The following MIPOL1 variants were observed in gnomAD, a reference collection of about 807,000 sequenced individuals.
The protein encoded by MIPOL1 is mirror-image polydactyly gene 1 protein.
In MIPOL1, 57 loss-of-function variants were observed where a neutral mutation model predicts 60.9. The ratio of observed to expected loss-of-function variants is 0.94; its 90% CI spans 0.76 to 1.17. MIPOL1 has a LOEUF of 1.17. Ranked by LOEUF, MIPOL1 falls within the 50% of genes most tolerant of loss-of-function variation. The probability of loss-of-function intolerance (pLI) is 0.00; values close to 1 mark genes in which losing one functional copy is unlikely to be tolerated. For synonymous variants in MIPOL1, 179 were observed against 168.8 expected (o/e 1.06, Z -0.47); for missense variants, 551 against 511.6 (o/e 1.08, Z -0.74).
chr14:37,526,234 C>A (rs1198786984), intron 12 of MIPOL1, among the ~76,000 whole-genome samples: 5 of 145,646 alleles, frequency 3.4e-5, no homozygotes, highest in Non-Finnish European at 6.0e-5. Context: ...CACAACAAAA[C>A]CTATCAACTA....
chr14:37,282,071 G>A (rs2084150761), intron 6 of MIPOL1, among the ~76,000 whole-genome samples: 1 of 151,710 alleles, frequency 6.6e-6, no homozygotes, highest in Non-Finnish European at 1.5e-5. Context: ...AAAAAAAAGT[G>A]TTTTCTCTTG....
At chr14:37,314,071 A>G (rs1423667596) in intron 9 of MIPOL1, among the ~76,000 whole-genome samples, 1 of 152,178 alleles carries the variant, frequency 6.6e-6, no homozygotes, top group East Asian at 1.9e-4. Context: ...CATTCTATAT[A>G]TCTAAATTTA....
intron 11 of MIPOL1, among the ~76,000 whole-genome samples, chr14:37,495,501 G>A (rs1364243865): frequency 1.3e-5 from 2 of 150,140 alleles, no homozygotes; most frequent in Admixed American, 6.7e-5. Context: ...TGGTGTATAT[G>A]TGCCACATTT....
At chr14:37,370,985 C>T (rs1221960716) in intron 10 of MIPOL1, among the ~76,000 whole-genome samples, 2 of 152,002 alleles carry the variant, frequency 1.3e-5, no homozygotes, top group Non-Finnish European at 2.9e-5. Flanking sequence ...AAAACAGCAC[C>T]TAAGATAAAA....
intron 9 of MIPOL1, among the ~76,000 whole-genome samples, chr14:37,350,848 G>A (rs2153472661): frequency 6.6e-6 from 1 of 152,140 alleles, no homozygotes; most frequent in South Asian, 2.1e-4. Flanking sequence ...TCTGTGCTTG[G>A]ATTGTTTCAG....
intron 7 of MIPOL1, among the ~76,000 whole-genome samples, chr14:37,287,226 T>A (rs2084647366): frequency 6.7e-6 from 1 of 150,314 alleles, no homozygotes; most frequent in Non-Finnish European, 1.5e-5. Flanking sequence ...TATATATATT[T>A]AAAAATATAT....
chr14:37,527,104 CA>C (rs774287853), intron 12 of MIPOL1, among the ~76,000 whole-genome samples: 1 of 151,828 alleles, frequency 6.6e-6, no homozygotes, highest in East Asian at 1.9e-4. Flanking sequence ...TTGTGTTGGA[CA>C]AAAAATTGTT....
intron 9 of MIPOL1, among the ~76,000 whole-genome samples, chr14:37,365,682 T>C (rs1002275919): frequency 2.6e-5 from 4 of 152,082 alleles, no homozygotes; most frequent in Admixed American, 6.6e-5. Context: ...TTTTGATGTG[T>C]CTTGGTCTTG....
chr14:37,270,274 A>G (rs113395275), intron 5 of MIPOL1, 146 bp from the exon 6 acceptor site: 1 of 416,388 alleles, frequency 2.4e-6, no homozygotes, highest in Non-Finnish European at 4.4e-6. Flanking sequence ...AAATAACTTA[A>G]ATTTTAAATT....
intron 1 of MIPOL1, among the ~76,000 whole-genome samples, chr14:37,228,486 C>T (rs533444726): frequency 2.0e-5 from 3 of 151,974 alleles, no homozygotes; most frequent in African/African-American, 4.8e-5. Flanking sequence ...CCTAAAAAAC[C>T]GTTTAGTTTC....
intron 12 of MIPOL1, among the ~76,000 whole-genome samples, chr14:37,523,008 TAAAG>T (rs1365249709): frequency 2.0e-5 from 3 of 152,024 alleles, no homozygotes; most frequent in Non-Finnish European, 4.4e-5. Flanking sequence ...AAAATAAAAA[TAAAG>T]AACTTTAAAA....
chr14:37,474,366 T>G (rs1046650864), intron 11 of MIPOL1, among the ~76,000 whole-genome samples: 1 of 152,118 alleles, frequency 6.6e-6, no homozygotes, highest in African/African-American at 2.4e-5. Context: ...GTAATCCCCA[T>G]GTGTCGTGGG....
intron 1 of MIPOL1, among the ~76,000 whole-genome samples, chr14:37,223,242 G>A (rs551450729): frequency 7.2e-5 from 11 of 151,966 alleles, no homozygotes; most frequent in African/African-American, 1.9e-4. Flanking sequence ...CATGTTGGCC[G>A]GGCTGGTCTT....
intron 11 of MIPOL1, among the ~76,000 whole-genome samples, chr14:37,451,370 C>T (rs984862270): frequency 9.9e-5 from 15 of 152,100 alleles, no homozygotes; most frequent in Non-Finnish European, 2.9e-5. Context: ...GTTTCTTCTA[C>T]TTGTGTTTTT....
chr14:37,374,124 C>G (rs1160930021), intron 10 of MIPOL1, among the ~76,000 whole-genome samples: 1 of 152,170 alleles, frequency 6.6e-6, no homozygotes, highest in Non-Finnish European at 1.5e-5. Flanking sequence ...TTGCATCTCT[C>G]TAATGACAGT....
At chr14:37,210,061 T>A (rs1966683996) in intron 1 of MIPOL1, among the ~76,000 whole-genome samples, 1 of 152,064 alleles carries the variant, frequency 6.6e-6, no homozygotes, top group African/African-American at 2.4e-5. Context: ...TAATAATATC[T>A]TGTATGTATG....
chr14:37,542,030 AG>A (rs144936071), intron 12 of MIPOL1, among the ~76,000 whole-genome samples: 89 of 152,348 alleles, frequency 5.8e-4, no homozygotes, highest in African/African-American at 2.1e-3. Flanking sequence ...GCTCTTATAA[AG>A]CAGCCTATAC....
intron 1 of MIPOL1, among the ~76,000 whole-genome samples, chr14:37,246,410 A>T (rs923217279): frequency 1.3e-5 from 2 of 152,082 alleles, no homozygotes; most frequent in Admixed American, 6.5e-5. Flanking sequence ...ATTAATTTAG[A>T]TTTTTGTTAT....
chr14:37,305,833 C>G (rs1266997358), intron 7 of MIPOL1, among the ~76,000 whole-genome samples: 1 of 151,686 alleles, frequency 6.6e-6, no homozygotes, highest in African/African-American at 2.4e-5. Flanking sequence ...AGAATAATAA[C>G]AAAACAAGAT....
Sources: allele counts gnomAD v4.1 joint callset (sites outside exome capture counted in the v4.1 genomes callset), GRCh38; gene constraint gnomAD v4.1.1; transcripts MANE v1.5; gene names NCBI Gene and HGNC (gene_info 2026-07-23, HGNC 2026-07-21).